The following SLC44A1 variants were observed in gnomAD, a reference collection of about 807,000 sequenced individuals.
SLC44A1 encodes the protein solute carrier family 44 member 1.
SLC44A1 carries 26 observed loss-of-function variants against 79.3 expected under a neutral mutation model. That is an observed-to-expected ratio of 0.33 (90% confidence interval 0.24 to 0.46). The LOEUF is 0.46. Ranked by LOEUF, SLC44A1 falls within the 20% of genes least tolerant of loss-of-function variation. The pLI is 1.00. For missense variants in SLC44A1, 688 were observed against 798.1 expected, an observed-to-expected ratio of 0.86 and a Z score of 1.66; for synonymous variants, 263 against 286.2, an observed-to-expected ratio of 0.92 and a Z score of 0.82.
intron 3 of SLC44A1, among the ~76,000 whole-genome samples, chr9:105,330,270 C>T (rs934609171): frequency 1.3e-5 from 2 of 152,176 alleles, no homozygotes; most frequent in African/African-American, 4.8e-5. Context: ...ACTTGCTGGT[C>T]TGTAACTCAC....
intron 15 of SLC44A1, among the ~76,000 whole-genome samples, chr9:105,434,409 T>C (rs958398654): frequency 6.6e-6 from 1 of 151,846 alleles, no homozygotes; most frequent in African/African-American, 2.4e-5. Context: ...AAATTTAAAA[T>C]AGAAAAAAGT....
intron 3 of SLC44A1, among the ~76,000 whole-genome samples, chr9:105,329,675 C>T (rs1826690412): frequency 1.3e-5 from 2 of 152,106 alleles, no homozygotes; most frequent in Admixed American, 6.6e-5. Context: ...CATTTTCTAT[C>T]CCCTGCTTCT....
intron 1 of SLC44A1, among the ~76,000 whole-genome samples, chr9:105,270,554 A>G (rs1830054369): frequency 6.6e-6 from 1 of 152,018 alleles, no homozygotes; most frequent in South Asian, 2.1e-4. Context: ...GGCCAAGTTC[A>G]TTGTTGTCAA....
At chr9:105,339,794 C>G (rs927486413) in intron 4 of SLC44A1, among the ~76,000 whole-genome samples, 1 of 152,092 alleles carries the variant, frequency 6.6e-6, no homozygotes, top group African/African-American at 2.4e-5. Flanking sequence ...GCACTCTAGC[C>G]TGGGTGACAG....
chr9:105,323,795 G>T (rs572350730), intron 3 of SLC44A1, among the ~76,000 whole-genome samples: 1 of 152,114 alleles, frequency 6.6e-6, no homozygotes, highest in East Asian at 1.9e-4. Context: ...TCAGGGTTCC[G>T]TTTTTCATAG....
chr9:105,284,659 G>A (rs2100044), intron 1 of SLC44A1, among the ~76,000 whole-genome samples: 21,983 of 151,764 alleles, frequency 0.14, 2,159 homozygotes, highest in African/African-American at 0.27. Context: ...CTTTCATCTC[G>A]TATATCTGAT....
At chr9:105,370,935 G>A (rs1184237873) in intron 12 of SLC44A1, among the ~76,000 whole-genome samples, 3 of 152,162 alleles carry the variant, frequency 2.0e-5, no homozygotes, top group African/African-American at 4.8e-5. Flanking sequence ...TAATCAATAT[G>A]TGTATTTAAT....
At chr9:105,361,979 T>C (rs1827793865) in intron 8 of SLC44A1, among the ~76,000 whole-genome samples, 2 of 152,130 alleles carry the variant, frequency 1.3e-5, no homozygotes, top group African/African-American at 4.8e-5. Context: ...TGAGCCATGA[T>C]TGTGTCACTG....
downstream of SLC44A1, among the ~76,000 whole-genome samples, chr9:105,398,422 A>G (rs1828914223): frequency 6.6e-6 from 1 of 152,184 alleles, no homozygotes; most frequent in Non-Finnish European, 1.5e-5. Flanking sequence ...TCTGTAGAAT[A>G]TTAACCGATC....
intron 1 of SLC44A1, among the ~76,000 whole-genome samples, chr9:105,267,342 T>C (rs1171818778): frequency 6.6e-6 from 1 of 152,196 alleles, no homozygotes; most frequent in Non-Finnish European, 1.5e-5. Context: ...CGATGGGCCT[T>C]CTATCCATTA....
intron 1 of SLC44A1, among the ~76,000 whole-genome samples, chr9:105,253,074 TA>T (rs1829627353): frequency 6.6e-6 from 1 of 152,240 alleles, no homozygotes; most frequent in African/African-American, 2.4e-5. Flanking sequence ...CCCTGGAATT[TA>T]TTTTTTTGTG....
chr9:105,263,346 C>T (rs543815277), intron 1 of SLC44A1, among the ~76,000 whole-genome samples: 6 of 152,152 alleles, frequency 3.9e-5, no homozygotes, highest in South Asian at 4.2e-4. Context: ...AATAAAAAAC[C>T]GAAATTGGCC....
intron 2 of SLC44A1, among the ~76,000 whole-genome samples, chr9:105,309,442 G>C (rs1245898415): frequency 6.6e-6 from 1 of 152,134 alleles, no homozygotes; most frequent in Non-Finnish European, 1.5e-5. Flanking sequence ...CTGTAAAGGG[G>C]AGCTGCTATT....
At chr9:105,290,712 A>G (rs1311506854) in intron 1 of SLC44A1, among the ~76,000 whole-genome samples, 1 of 152,226 alleles carries the variant, frequency 6.6e-6, no homozygotes, top group Admixed American at 6.5e-5. Context: ...GTCATTGGCA[A>G]TTTATCTCTC....
chr9:105,246,766 G>A (rs1057028518), intron 1 of SLC44A1, among the ~76,000 whole-genome samples: 1 of 152,172 alleles, frequency 6.6e-6, no homozygotes, highest in African/African-American at 2.4e-5. Context: ...AGCTTGTTCA[G>A]TGCATGAACA....
At chr9:105,347,818 A>G in intron 4 of SLC44A1, among the ~76,000 whole-genome samples, 1 of 152,026 alleles carries the variant, frequency 6.6e-6, no homozygotes. Flanking sequence ...GTAATGTATT[A>G]TCTGAATTTA....
intron 4 of SLC44A1, among the ~76,000 whole-genome samples, chr9:105,339,645 C>T (rs945695106): frequency 2.0e-5 from 3 of 152,036 alleles, no homozygotes; most frequent in African/African-American, 7.2e-5. Context: ...GCCTGCACAA[C>T]GTAGTGAGAT....
chr9:105,412,686 C>T lies in SLC44A1; in HGVS notation c.1951-25595C>T, dbSNP rs543513768. 3.2e-4 allele frequency among the ~76,000 whole-genome samples: 48 copies of T among 152,224 alleles called. No homozygotes were observed. In the South Asian group the frequency reaches 9.5e-3, roughly 30 times the overall value. On this transcript the variant is annotated intron_variant, in intron 15 of 15. Coordinates refer to the SLC44A1 transcript ENST00000374724. ...GCGCCATCTCAGCTCACTGCAACCT[C>T]CGCCCCCTGGGTTCTAGCGATTCTC... is the stretch of plus-strand genomic sequence containing the variant.
chr9:105,263,123 A>C (rs916568932), intron 1 of SLC44A1, among the ~76,000 whole-genome samples: 1 of 152,240 alleles, frequency 6.6e-6, no homozygotes. Context: ...CAGGGGCTTA[A>C]GAGGTCTACC....
Sources: gnomAD v4.1 joint callset for allele counts (sites outside exome capture counted in the v4.1 genomes callset) on GRCh38, gnomAD v4.1.1 for gene constraint, MANE v1.5 for transcripts, NCBI Gene and HGNC (gene_info 2026-07-23, HGNC 2026-07-21) for gene names.